Variants in ESPL1 observed in about 807,000 individuals in gnomAD.
ESPL1 encodes separin.
Under a neutral mutation model 217.2 loss-of-function variants are expected in ESPL1, and 50 were observed. The observed-to-expected ratio is 0.23, with a 90% confidence interval of 0.18 to 0.29. The LOEUF (loss-of-function observed/expected upper bound fraction) is 0.29. ESPL1 is among the 10% of genes least tolerant of loss of function. The pLI is 1.00. For synonymous variants in ESPL1, 994 were observed against 1,081.3 expected, an observed-to-expected ratio of 0.92 and a Z score of 1.58; for missense variants, 1,834 against 2,603.0, an observed-to-expected ratio of 0.70 and a Z score of 6.43.
chr12:53,292,591 G>A lies in ESPL1; in HGVS notation c.5930G>A (p.Gly1977Glu), dbSNP rs1456379976. 2 of 1,612,200 alleles carry A rather than the reference G, an allele frequency of 1.2e-6. No homozygotes were observed. The highest frequency in any genetic ancestry group is 2.7e-5 in the African/African-American group (2 of 74,926). ...ANFSSEAGWR[G>E]VVGEVPRPEQ... is the part of the protein sequence containing the mutation. ...CCCTGCAGTGAAGCTGGCTGGAGAG[G>A]AGTGGTTGGGGAGGTGCCAAGACCT... The change falls in exon 29 of 31, where the codon GGA becomes GAA. Residue 1977 changes from glycine to glutamate, a missense_variant. Gly to Glu is a moderately conservative substitution (Grantham distance 98). Coordinates refer to ENST00000257934, the MANE Select transcript of ESPL1 (RefSeq NM_012291.5). This position sits in a 1 kb window ranked among gnomAD's most constrained non-coding sequence, Gnocchi z 4.5.
intron 22 of ESPL1, 165 bp from the exon 23 acceptor site, chr12:53,289,920 T>C: frequency 1.4e-6 from 1 of 691,850 alleles, no homozygotes; most frequent in Non-Finnish European, 2.4e-6. Context: ...AGTCATGGTC[T>C]CTGTGCACAG....
rs758064685 is a variant in ESPL1, at chr12:53,272,798, C to T, written c.1447C>T (p.Leu483Phe). The T allele has an allele frequency of 5.6e-6, 9 of 1,614,170 alleles. No individual in the cohort carries two copies. Among genetic ancestry groups the T allele is most frequent in the Non-Finnish European group, 7.6e-6 (9 of 1,180,042 alleles). Residue 483 changes from leucine (L) to phenylalanine (F), a missense_variant, in exon 6 of 31, where the codon CTC becomes TTC. Coordinates refer to ENST00000257934, the MANE Select transcript of ESPL1 (RefSeq NM_012291.5). ...CGAGGCCTGTGCCATCTCTGAGCCG[C>T]TCTGTCAGCACCTGGGTTTGGTGAA... ...YAEACAISEP[L>F]CQHLGLVKPG...
chr12:53,282,528 CTA>C lies in ESPL1; in HGVS notation c.2791+95_2791+96del, dbSNP rs1194408223. 5.8e-6 allele frequency: 7 copies of C among 1,203,810 alleles called. No homozygotes were observed. Among genetic ancestry groups the C allele is most frequent in the Non-Finnish European group, 7.1e-6 (6 of 841,316 alleles). The allele number at this position is 1,203,810 out of a possible 1,614,324, so 74.6% of individuals were successfully genotyped here. ...AAACCTCATCCCCTCTGCTGGCTAA[CTA>C]TGTGGCCCAGCCTACCTAGAACCTG... On this transcript the variant is annotated intron_variant, in intron 14 of 30. Transcript: ENST00000257934. This position sits in a 1 kb window ranked among gnomAD's most constrained non-coding sequence, Gnocchi z 4.0.
chr12:53,273,695 T>C (rs904038220), intron 6 of ESPL1, among the ~76,000 whole-genome samples: 3 of 148,246 alleles, frequency 2.0e-5, no homozygotes, highest in African/African-American at 7.4e-5. Flanking sequence ...GGAGGTGGAG[T>C]TTGCAGTGAG....
intron 5 of ESPL1, among the ~76,000 whole-genome samples, chr12:53,272,100 AAAAAT>A (rs1158797676): frequency 6.6e-6 from 1 of 152,168 alleles, no homozygotes. Flanking sequence ...AAAAAAAAAA[AAAAAT>A]TTGTTGAGTA....
At chr12:53,285,644 G>T (rs1441612695) in intron 17 of ESPL1, among the ~76,000 whole-genome samples, 4 of 151,876 alleles carry the variant, frequency 2.6e-5, no homozygotes, top group African/African-American at 9.7e-5. Flanking sequence ...GGGAGGCGGA[G>T]CTTGCAGTGA....
rs1212974817 is a variant in ESPL1 at position 53,269,642 on chromosome 12, G to C, written c.700G>C (p.Gly234Arg). The change falls in exon 3 of 31, where the codon GGT (glycine) becomes CGT (arginine). Residue 234 changes from glycine (G) to arginine (R), a missense_variant. Physicochemically the swap from Gly to Arg is moderately radical, Grantham distance 125. This residue lies in a region of ESPL1 where 746 missense variants were observed against 1,077.0 expected (regional missense o/e 0.69). Coordinates refer to ENST00000257934, the MANE Select transcript of ESPL1 (RefSeq NM_012291.5). The surrounding 1 kb of genome is among the most constrained non-coding windows in gnomAD (Gnocchi z 6.7). ...LSRHVIRALVGERGSSSGLLS... is the reference protein window; with the variant it reads ...LSRHVIRALVRERGSSSGLLS... ...CAGGCACGTGATCAGAGCCTTGGTGGGTGAGAGAGGGAGCTCTTCTGGGCT... is the reference window on the plus strand; with the variant it reads ...CAGGCACGTGATCAGAGCCTTGGTGCGTGAGAGAGGGAGCTCTTCTGGGCT... The C allele has an allele frequency of 6.2e-7, 1 of 1,614,078 alleles. No homozygotes were observed. The highest frequency in any genetic ancestry group is 1.3e-5 in the African/African-American group (1 of 74,926).
At chr12:53,285,815 C>A in intron 17 of ESPL1, 109 bp from the exon 18 acceptor site, 2 of 732,300 alleles carry the variant, frequency 2.7e-6, no homozygotes, top group South Asian at 2.0e-5. Context: ...TATATATACA[C>A]GTACGTATAT....
intron 17 of ESPL1, 26 bp downstream of exon 17, chr12:53,284,193 T>C (rs1211133470): frequency 2.2e-6 from 3 of 1,388,892 alleles, no homozygotes; most frequent in Admixed American, 1.7e-5. Context: ...CCCATGACCA[T>C]AGGCGGTGCT....
At chr12:53,268,723 C>T in intron 1 of ESPL1, 32 bp from the exon 2 acceptor site, 1 of 1,349,718 alleles carries the variant, frequency 7.4e-7, no homozygotes, top group Non-Finnish European at 1.0e-6. Context: ...GCTTCATTAA[C>T]AATCTTCTCT....
rs1396212495 is a variant in ESPL1 at position 53,290,449 on chromosome 12, G to A, written c.5344G>A (p.Ala1782Thr). 2 of 1,612,876 alleles carry A rather than the reference G, an allele frequency of 1.2e-6. No homozygotes were observed. The highest frequency in any genetic ancestry group is 3.3e-5 in the Admixed American group (2 of 60,016). The change falls in exon 24 of 31, where the codon GCA becomes ACA. Residue 1782 changes from alanine to threonine, a missense_variant. Ala to Thr is a moderately conservative substitution (Grantham distance 58). Coordinates refer to ENST00000257934, the MANE Select transcript of ESPL1 (RefSeq NM_012291.5). ...DKREWWTGRL[A>T]LDHRMEVLIA... is the part of the protein sequence containing the mutation. The stretch of plus-strand genomic sequence containing the variant: ...GCGAGAATGGTGGACAGGGCGGCTG[G>A]CACTGGACCACAGGATGGAGGTGTG...
chr12:53,288,863 C>A, intron 20 of ESPL1, 164 bp downstream of exon 20: 2 of 730,610 alleles, frequency 2.7e-6, no homozygotes, highest in Non-Finnish European at 4.6e-6. Flanking sequence ...GGTCACTTAA[C>A]CTCTCCAAGC....
At chr12:53,277,434 C>T in intron 9 of ESPL1, 36 bp from the exon 10 acceptor site, 1 of 1,605,532 alleles carries the variant, frequency 6.2e-7, no homozygotes, top group Non-Finnish European at 8.5e-7. Context: ...GCCCACACCA[C>T]TGTGCCCTGT....
rs373327040 is a variant in ESPL1, at chr12:53,269,665, G to A, written c.723G>A (p.Gly241=). 1.1e-5 allele frequency: 18 copies of A among 1,614,174 alleles called. No individual in the cohort carries two copies. The highest frequency in any genetic ancestry group is 4.5e-5 in the East Asian group (2 of 44,882). ...TGGGTGAGAGAGGGAGCTCTTCTGGGCTTCTTTCTCCCCAGAGGGCCCTCT... is the reference window on the plus strand; with the variant it reads ...TGGGTGAGAGAGGGAGCTCTTCTGGACTTCTTTCTCCCCAGAGGGCCCTCT... ...ALVGERGSSS[G]LLSPQRALCL... The change falls in exon 3 of 31, where the codon GGG becomes GGA. Residue 241 remains glycine (G), a synonymous_variant. Transcript: ENST00000257934. The surrounding 1 kb of genome is among the most constrained non-coding windows in gnomAD (Gnocchi z 6.7).
intron 17 of ESPL1, among the ~76,000 whole-genome samples, chr12:53,285,388 A>G (rs1438758841): frequency 6.6e-6 from 1 of 152,190 alleles, no homozygotes; most frequent in Admixed American, 6.5e-5. Flanking sequence ...TTTCTCAGCC[A>G]TGTGGCCCCT....
intron 6 of ESPL1, among the ~76,000 whole-genome samples, chr12:53,273,453 A>T (rs1454665553): frequency 3.3e-5 from 5 of 151,672 alleles, no homozygotes; most frequent in Non-Finnish European, 5.9e-5. Context: ...GCCCCGAGTT[A>T]ATTGCATCAG....
At chr12:53,277,639 T>A in intron 10 of ESPL1, 31 bp downstream of exon 10, 1 of 1,610,240 alleles carries the variant, frequency 6.2e-7, no homozygotes, top group Non-Finnish European at 8.5e-7. Flanking sequence ...GGCATGGGCA[T>A]CTCCATGGCT....
At chr12:53,281,221 T>G (rs1452460068) in intron 12 of ESPL1, among the ~76,000 whole-genome samples, 1 of 140,530 alleles carries the variant, frequency 7.1e-6, no homozygotes, top group Non-Finnish European at 1.5e-5. Flanking sequence ...CACTGCAACC[T>G]CTGCCTCTCG....
intron 6 of ESPL1, among the ~76,000 whole-genome samples, chr12:53,273,895 A>G (rs1177561125): frequency 7.3e-5 from 7 of 95,320 alleles, no homozygotes; most frequent in Non-Finnish European, 1.3e-4. Flanking sequence ...TTGCTTTGTC[A>G]CCCAGGCTGG....
Sources: allele counts gnomAD v4.1 joint callset (sites outside exome capture counted in the v4.1 genomes callset), GRCh38; gene constraint gnomAD v4.1.1; regional missense constraint gnomAD v4.1.1; non-coding constraint Gnocchi (gnomAD v3.1); transcripts MANE v1.5; gene names NCBI Gene and HGNC (gene_info 2026-07-23, HGNC 2026-07-21).